Variants in IL4R observed in about 807,000 individuals in gnomAD.
The protein encoded by IL4R is interleukin-4 receptor subunit alpha.
A neutral mutation model predicts 41.5 loss-of-function variants in IL4R; 17 were observed. The ratio of observed to expected loss-of-function variants is 0.41; its 90% CI spans 0.28 to 0.61. The LOEUF is 0.61. IL4R is among the 20% of genes least tolerant of loss of function. The pLI is 0.31. For synonymous variants in IL4R, 402 were observed against 422.9 expected (o/e 0.95, Z 0.61); for missense variants, 974 against 1,043.1 (o/e 0.93, Z 0.91).
At chr16:27,331,317 G>C (rs2085106740) in intron 2 of IL4R, among the ~76,000 whole-genome samples, 1 of 152,134 alleles carries the variant, frequency 6.6e-6, no homozygotes, top group East Asian at 1.9e-4. Context: ...CCAAAGCTTT[G>C]GAGCTTGAGT....
At chr16:27,341,377 AT>A (rs2085437024) in intron 3 of IL4R, 1 of 593,724 alleles carries the variant, frequency 1.7e-6, no homozygotes. Flanking sequence ...TGGAATATTT[AT>A]TTGCTATCTA....
Position 27,363,446 on chromosome 16 carries a change from G to C in IL4R, c.2094G>C (p.Gln698His), listed in dbSNP as rs751368847. ...CAAAGCCCCCACTTCCCCAGGAGCA[G>C]GCCACAGACCCCCTTGTGGACAGCC... ...DMPKPPLPQE[Q>H]ATDPLVDSLG... Residue 698 changes from glutamine (Q) to histidine (H), a missense_variant, in exon 11 of 11, where the codon CAG becomes CAC. Gln to His is a conservative substitution (Grantham distance 24). Around this residue, in one of 3 missense-constraint regions of IL4R, gnomAD observed 682 missense variants for 704.3 expected, o/e 0.97. Coordinates refer to ENST00000395762, the MANE Select transcript of IL4R (RefSeq NM_000418.4). 2 of 1,614,130 alleles carry C rather than the reference G, an allele frequency of 1.2e-6. No individual in the cohort carries two copies. The highest frequency in any genetic ancestry group is 4.5e-5 in the East Asian group (2 of 44,876).
At chr16:27,356,582 G>C (rs1159591408) in intron 8 of IL4R, among the ~76,000 whole-genome samples, 1 of 152,142 alleles carries the variant, frequency 6.6e-6, no homozygotes, top group Non-Finnish European at 1.5e-5. Context: ...ATTTGAGGGG[G>C]GCCCTGACTG....
chr16:27,317,475 A>G (rs531992911), intron 1 of IL4R, among the ~76,000 whole-genome samples: 18 of 152,228 alleles, frequency 1.2e-4, no homozygotes, highest in Middle Eastern at 3.4e-3. Context: ...TAGACTTACC[A>G]TGGCTGGGCT....
intron 4 of IL4R, among the ~76,000 whole-genome samples, chr16:27,344,279 T>C (rs2085542682): frequency 6.8e-6 from 1 of 147,038 alleles, no homozygotes. Flanking sequence ...TACTCTAGCC[T>C]GGGTGACAGT....
chr16:27,356,902 G>A (rs981294017), intron 8 of IL4R, among the ~76,000 whole-genome samples: 2 of 152,150 alleles, frequency 1.3e-5, no homozygotes, highest in African/African-American at 4.8e-5. Context: ...GAGGAGATGA[G>A]TGGCGAGTGG....
chr16:27,356,771 A>G (rs1220149917), intron 8 of IL4R, among the ~76,000 whole-genome samples: 1 of 152,186 alleles, frequency 6.6e-6, no homozygotes, highest in African/African-American at 2.4e-5. Context: ...GGAGCTTGGT[A>G]GCTGGCGGCC....
At chr16:27,346,281 G>A (rs2085640187) in intron 5 of IL4R, among the ~76,000 whole-genome samples, 186 bp from the exon 6 acceptor site, 1 of 152,206 alleles carries the variant, frequency 6.6e-6, no homozygotes, top group South Asian at 2.1e-4. Context: ...TAGAATTTTA[G>A]CAACATTATT....
intron 1 of IL4R, among the ~76,000 whole-genome samples, chr16:27,327,297 C>T (rs1596768118): frequency 6.6e-6 from 1 of 152,142 alleles, no homozygotes; most frequent in Admixed American, 6.6e-5. Context: ...CCCCTGTGCG[C>T]CCCCAGTCCT....
At chr16:27,344,109 G>A (rs3024557) in intron 4 of IL4R, among the ~76,000 whole-genome samples, 5,826 of 151,856 alleles carry the variant, frequency 0.038, 350 homozygotes, top group African/African-American at 0.13. Flanking sequence ...GTTCGAGACC[G>A]GCCTGGCCAA....
chr16:27,338,105 C>T (rs760558948), intron 2 of IL4R, among the ~76,000 whole-genome samples: 4 of 151,518 alleles, frequency 2.6e-5, no homozygotes, highest in South Asian at 2.1e-4. Context: ...TACAGGTGTG[C>T]GCCACCACAC....
At chr16:27,351,003 C>CATTT (rs2085848836) in intron 6 of IL4R, among the ~76,000 whole-genome samples, 1 of 152,216 alleles carries the variant, frequency 6.6e-6, no homozygotes, top group Admixed American at 6.5e-5. Flanking sequence ...AAACAACACC[C>CATTT]ATTTATTATC....
chr16:27,362,289 T>G lies in IL4R; in HGVS notation c.937T>G (p.Phe313Val). 6.2e-7 allele frequency: 1 copy of G among 1,614,142 alleles called. No homozygotes were observed. Among genetic ancestry groups the G allele is most frequent in the Non-Finnish European group, 8.5e-7 (1 of 1,180,016 alleles). ...KNCLTKLLPCFLEHNMKRDED... is the reference protein window; with the variant it reads ...KNCLTKLLPCVLEHNMKRDED... The stretch of plus-strand genomic sequence containing the variant: ...TTGTCTTACCAAGCTCTTGCCCTGT[T>G]TTCTGGAGCACAACATGAAAAGGGA... Residue 313 changes from phenylalanine (F) to valine (V), a missense_variant, in exon 11 of 11, where the codon TTT becomes GTT. Transcript: ENST00000395762.
intron 9 of IL4R, 141 bp from the exon 10 acceptor site, chr16:27,360,625 T>C: frequency 9.9e-7 from 1 of 1,012,410 alleles, no homozygotes; most frequent in South Asian, 1.3e-5. Flanking sequence ...CCCAGGAATC[T>C]GAAGCTCAGA....
At chr16:27,346,687 A>G in intron 6 of IL4R, 69 bp downstream of exon 6, 2 of 1,543,528 alleles carry the variant, frequency 1.3e-6, no homozygotes, top group Non-Finnish European at 1.8e-6. Flanking sequence ...GCAGAGGCCC[A>G]GTCCCTGGAG....
At chr16:27,359,666 C>G in intron 9 of IL4R, 1 of 396,064 alleles carries the variant, frequency 2.5e-6, no homozygotes. Flanking sequence ...TGGACTTGAG[C>G]AAGTTGCTTA....
rs1294781604 is a variant in IL4R, at chr16:27,362,422, G to C, written c.1070G>C (p.Ser357Thr). Reference sequence around the variant, plus strand: ...ACAGTCCTCTGGCCAGAGAGCATCAGCGTGGTGCGATGTGTGGAGTTGTTT... The same window carrying C: ...ACAGTCCTCTGGCCAGAGAGCATCACCGTGGTGCGATGTGTGGAGTTGTTT... ...SKTVLWPESI[S>T]VVRCVELFEA... The change falls in exon 11 of 11, where the codon AGC (serine) becomes ACC (threonine). Residue 357 changes from serine (S) to threonine (T), a missense_variant. Physicochemically the swap from Ser to Thr is moderately conservative, Grantham distance 58. Around this residue, in one of 3 missense-constraint regions of IL4R, gnomAD observed 682 missense variants for 704.3 expected, o/e 0.97. Coordinates refer to ENST00000395762, the MANE Select transcript of IL4R (RefSeq NM_000418.4). The C allele has an allele frequency of 1.2e-6, 2 of 1,614,038 alleles. No homozygotes were observed. The highest frequency in any genetic ancestry group is 8.5e-7 in the Non-Finnish European group (1 of 1,180,034).
In IL4R at chr16:27,363,864, AGGACTAGGGCTTATCCATGCCTG is replaced by A; in HGVS notation, c.*38_*60del. On this transcript the variant is annotated 3_prime_UTR_variant, in exon 11 of 11. Transcript: ENST00000395762. ...CCTCTTGTTGCTGAGTCTGCAGATG[AGGACTAGGGCTTATCCATGCCTG>A]GGAAATGCCACCTCCTGGAAGGCAG... The A allele has an allele frequency of 1.9e-6, 3 of 1,578,838 alleles. No homozygotes were observed. Among genetic ancestry groups the A allele is most frequent in the Non-Finnish European group, 2.6e-6 (3 of 1,168,520 alleles).
intron 2 of IL4R, among the ~76,000 whole-genome samples, chr16:27,336,729 G>T (rs2141113798): frequency 6.6e-6 from 1 of 151,518 alleles, no homozygotes; most frequent in Non-Finnish European, 1.5e-5. Context: ...CCTCCAGGTG[G>T]AGGGGACAGA....
Sources: gnomAD v4.1 joint callset for allele counts (sites outside exome capture counted in the v4.1 genomes callset) on GRCh38, gnomAD v4.1.1 for gene constraint, gnomAD v4.1.1 regional missense constraint, MANE v1.5 for transcripts, NCBI Gene and HGNC (gene_info 2026-07-23, HGNC 2026-07-21) for gene names.